Variants in CEP112 observed in about 807,000 individuals in gnomAD.
The protein encoded by CEP112 is centrosomal protein 112.
A neutral mutation model predicts 153.0 loss-of-function variants in CEP112; 127 were observed. That is an observed-to-expected ratio of 0.83 (90% CI 0.72 to 0.96). CEP112 has a LOEUF of 0.96. CEP112 is among the 40% of genes least tolerant of loss of function. The pLI, the probability that CEP112 is intolerant of heterozygous loss-of-function variation, is 0.00. For synonymous variants in CEP112, 358 were observed against 374.4 expected (o/e 0.96, Z 0.51); for missense variants, 1,089 against 1,101.2 (o/e 0.99, Z 0.16).
At chr17:66,042,988 G>T in intron 12 of CEP112, 1 of 478,450 alleles carries the variant, frequency 2.1e-6, no homozygotes, top group Non-Finnish European at 2.7e-6. Context: ...CTATCTCAGT[G>T]TGTCCATGAG....
intron 19 of CEP112, among the ~76,000 whole-genome samples, chr17:65,926,065 G>A (rs1013604204): frequency 6.6e-6 from 1 of 152,148 alleles, no homozygotes; most frequent in Non-Finnish European, 1.5e-5. Flanking sequence ...TACTAAGTAA[G>A]AGGCAGAGCA....
intron 4 of CEP112, among the ~76,000 whole-genome samples, chr17:66,133,425 C>G (rs2070291716): frequency 1.3e-5 from 2 of 152,222 alleles, no homozygotes; most frequent in Admixed American, 1.3e-4. Flanking sequence ...AATTTGAAAG[C>G]ATGTCAGAAA....
At chr17:65,775,622 C>T (rs1183526429) in intron 21 of CEP112, among the ~76,000 whole-genome samples, 1 of 152,090 alleles carries the variant, frequency 6.6e-6, no homozygotes, top group Non-Finnish European at 1.5e-5. Context: ...CCTGTCTCAG[C>T]CTCCCGAGTA....
At chr17:65,989,399 A>G (rs377065353) in intron 17 of CEP112, among the ~76,000 whole-genome samples, 2 of 152,012 alleles carry the variant, frequency 1.3e-5, no homozygotes, top group African/African-American at 4.8e-5. Flanking sequence ...AAGAAGCTCC[A>G]ATTCATTTGG....
chr17:65,733,603 C>T (rs1243431150), intron 23 of CEP112, among the ~76,000 whole-genome samples: 2 of 152,060 alleles, frequency 1.3e-5, no homozygotes, highest in Non-Finnish European at 2.9e-5. Flanking sequence ...TGACGGTTAC[C>T]ACAAGATCTG....
chr17:65,899,799 A>G (rs1414715282), intron 20 of CEP112, among the ~76,000 whole-genome samples: 1 of 152,174 alleles, frequency 6.6e-6, no homozygotes, highest in East Asian at 1.9e-4. Context: ...TTGCTAAACT[A>G]GAATAGCCAC....
intron 20 of CEP112, among the ~76,000 whole-genome samples, chr17:65,867,248 A>G (rs1318289626): frequency 1.3e-5 from 2 of 152,206 alleles, no homozygotes; most frequent in Admixed American, 6.5e-5. Flanking sequence ...CGGCCTGTGC[A>G]CAGCAGCTGG....
intron 1 of CEP112, among the ~76,000 whole-genome samples, chr17:66,185,281 G>A (rs1262014712): frequency 6.6e-6 from 1 of 152,200 alleles, no homozygotes; most frequent in Non-Finnish European, 1.5e-5. Flanking sequence ...GGAGTGCAAT[G>A]GCACAATCTT....
chr17:65,970,457 C>A (rs1246994385), intron 17 of CEP112, among the ~76,000 whole-genome samples: 3 of 92,764 alleles, frequency 3.2e-5, no homozygotes, highest in Non-Finnish European at 6.7e-5. Context: ...ATATTACATG[C>A]ATGCACACAT....
At chr17:65,829,448 G>A (rs1309671263) in intron 21 of CEP112, among the ~76,000 whole-genome samples, 3 of 152,064 alleles carry the variant, frequency 2.0e-5, no homozygotes, top group African/African-American at 4.8e-5. Context: ...ATGCCCATCA[G>A]CTCATTCTAT....
At chr17:66,100,256 T>C (rs11079642) in intron 6 of CEP112, among the ~76,000 whole-genome samples, 143,106 of 151,788 alleles carry the variant, frequency 0.94, 67,565 homozygotes, top group East Asian at 0.98. Flanking sequence ...AAAAATTAGA[T>C]GGGCGTGGTG....
intron 17 of CEP112, among the ~76,000 whole-genome samples, chr17:65,971,738 T>G (rs917452249): frequency 2.0e-5 from 3 of 152,216 alleles, no homozygotes; most frequent in Non-Finnish European, 4.4e-5. Flanking sequence ...TGCAGGTATA[T>G]TGCTCTAACA....
chr17:66,178,226 G>C (rs1490821749), intron 2 of CEP112, among the ~76,000 whole-genome samples: 1 of 152,188 alleles, frequency 6.6e-6, no homozygotes, highest in Non-Finnish European at 1.5e-5. Context: ...GCCAGTGTTT[G>C]TTATTGCCTG....
intron 17 of CEP112, among the ~76,000 whole-genome samples, chr17:65,969,263 T>G (rs1331258519): frequency 6.6e-6 from 1 of 152,122 alleles, no homozygotes; most frequent in African/African-American, 2.4e-5. Context: ...TTTTGTATTT[T>G]TAGTAAACAT....
At chr17:66,169,516 C>T (rs1321381082) in intron 4 of CEP112, among the ~76,000 whole-genome samples, 1 of 152,034 alleles carries the variant, frequency 6.6e-6, no homozygotes, top group Non-Finnish European at 1.5e-5. Flanking sequence ...GAACTCCTGA[C>T]CTTGTGATCC....
Position 65,965,526 on chromosome 17 carries a change from T to C in CEP112, c.1737-3928A>G, listed in dbSNP as rs1159395203. ...TAGAAACCTTCTGCCCCCTTTTTTT[T>C]TTTTTTTTTTCTTTGAGACAGGGTA... On this transcript the variant is annotated intron_variant, in intron 17 of 26. Coordinates refer to ENST00000535342, the MANE Select transcript of CEP112 (RefSeq NM_001199165.4). Among the ~76,000 whole-genome samples, 13 of 149,840 alleles carry C rather than the reference T, an allele frequency of 8.7e-5. 1 individual carries two copies. The highest frequency in any genetic ancestry group is 3.2e-4 in the African/African-American group (13 of 40,894).
intron 21 of CEP112, among the ~76,000 whole-genome samples, chr17:65,833,302 C>T (rs2057165116): frequency 1.3e-5 from 2 of 152,072 alleles, no homozygotes. Context: ...CAAAACAAGA[C>T]AAGAATTCCC....
chr17:65,839,013 A>C (rs569967805), intron 21 of CEP112, among the ~76,000 whole-genome samples: 7 of 152,184 alleles, frequency 4.6e-5, no homozygotes, highest in Non-Finnish European at 1.0e-4. Context: ...GCAGTAATAA[A>C]ATCTTTCATC....
At chr17:66,157,770 A>T (rs186240014) in intron 4 of CEP112, among the ~76,000 whole-genome samples, 2 of 152,216 alleles carry the variant, frequency 1.3e-5, no homozygotes, top group African/African-American at 4.8e-5. Flanking sequence ...TTAAAGCAAC[A>T]AAAATCAAAA....
Sources: allele counts gnomAD v4.1 joint callset (sites outside exome capture counted in the v4.1 genomes callset), GRCh38; gene constraint gnomAD v4.1.1; transcripts MANE v1.5; gene names NCBI Gene and HGNC (gene_info 2026-07-23, HGNC 2026-07-21).